The following ADAMTSL3 variants were observed in gnomAD, a reference collection of about 807,000 sequenced individuals.
ADAMTSL3 encodes the protein ADAMTS-like protein 3.
Under a neutral mutation model 201.7 loss-of-function variants are expected in ADAMTSL3, and 128 were observed. The observed-to-expected ratio is 0.63, with a 90% confidence interval of 0.55 to 0.73. The LOEUF (loss-of-function observed/expected upper bound fraction) is 0.73. ADAMTSL3 is among the 30% of genes least tolerant of loss of function. The pLI, the probability that ADAMTSL3 is intolerant of heterozygous loss-of-function variation, is 0.00. For synonymous variants in ADAMTSL3, 738 were observed against 748.4 expected, an observed-to-expected ratio of 0.99 and a Z score of 0.23; for missense variants, 1,990 against 2,119.6, an observed-to-expected ratio of 0.94 and a Z score of 1.20.
chr15:83,722,035 A>G (rs1470859428), intron 3 of ADAMTSL3, among the ~76,000 whole-genome samples: 5 of 152,132 alleles, frequency 3.3e-5, no homozygotes, highest in Non-Finnish European at 7.3e-5. Context: ...CTGGCCACAG[A>G]TTTATGTTTT....
chr15:83,889,923 C>T (rs984743371), intron 10 of ADAMTSL3, among the ~76,000 whole-genome samples, 186 bp from the exon 11 acceptor site: 3 of 151,938 alleles, frequency 2.0e-5, no homozygotes, highest in African/African-American at 7.3e-5. Flanking sequence ...TTAATTGGAC[C>T]ATGAAGGAAC....
chr15:83,769,246 GT>G (rs2141732876), intron 3 of ADAMTSL3, among the ~76,000 whole-genome samples: 1 of 152,030 alleles, frequency 6.6e-6, no homozygotes, highest in Non-Finnish European at 1.5e-5. Flanking sequence ...ATATGATGAT[GT>G]TTTTCAACTT....
chr15:83,748,584 G>A (rs1302471258), intron 3 of ADAMTSL3, among the ~76,000 whole-genome samples: 1 of 148,800 alleles, frequency 6.7e-6, no homozygotes, highest in Non-Finnish European at 1.5e-5. Context: ...TGGGTGGTCA[G>A]GGCTGCAATG....
intron 9 of ADAMTSL3, among the ~76,000 whole-genome samples, chr15:83,874,864 TC>T (rs2065149718): frequency 1.4e-5 from 2 of 145,912 alleles, no homozygotes; most frequent in East Asian, 2.3e-4. Context: ...AAGGCACTGG[TC>T]CAGGTGTCAC....
intron 3 of ADAMTSL3, among the ~76,000 whole-genome samples, chr15:83,707,541 T>C (rs2061870404): frequency 6.6e-6 from 1 of 152,222 alleles, no homozygotes; most frequent in East Asian, 1.9e-4. Flanking sequence ...AGTTGCTACC[T>C]AGATCAAGAA....
intron 6 of ADAMTSL3, among the ~76,000 whole-genome samples, chr15:83,820,928 A>G (rs1199310679): frequency 6.6e-6 from 1 of 151,938 alleles, no homozygotes; most frequent in Non-Finnish European, 1.5e-5. Flanking sequence ...ACAAAAATTA[A>G]CTGGGTGTGA....
intron 7 of ADAMTSL3, among the ~76,000 whole-genome samples, chr15:83,853,910 A>G (rs199520579): frequency 2.3e-4 from 1 of 4,282 alleles, no homozygotes; most frequent in Non-Finnish European, 5.0e-4. Context: ...CTCTATCTCT[A>G]TCTATCTATC....
At chr15:84,006,721 A>G (rs2067901487) in intron 23 of ADAMTSL3, among the ~76,000 whole-genome samples, 1 of 152,240 alleles carries the variant, frequency 6.6e-6, no homozygotes, top group Non-Finnish European at 1.5e-5. Flanking sequence ...TAGCTGTTGC[A>G]ACAGAGCAAA....
At position 83,683,440 on chromosome 15, in the gene ADAMTSL3, T is replaced by C. The variant is rs2061499362; in HGVS notation, c.70-20949T>C. ...ACTGGCATACATCTCCCCGTTTTTG[T>C]ATCCCATCATGTAATTATTTCTACA... On this transcript the variant is annotated intron_variant, in intron 2 of 29. Transcript: ENST00000286744. Among the ~76,000 whole-genome samples the C allele has an allele frequency of 2.6e-5, 4 of 152,214 alleles. No individual in the cohort carries two copies. In the South Asian group the frequency reaches 8.3e-4, roughly 32 times the overall value.
In ADAMTSL3 at chr15:83,737,643, G is replaced by C. The variant is rs2062389257; in HGVS notation, c.189+33135G>C. On this transcript the variant is annotated intron_variant, in intron 3 of 29. Coordinates refer to ENST00000286744, the MANE Select transcript of ADAMTSL3 (RefSeq NM_207517.3). ...CTCGGGCAGTTCTTTATAGCAGTGTGAGAATGGACTAATACAATAACCAAA... is the reference window on the plus strand; with the variant it reads ...CTCGGGCAGTTCTTTATAGCAGTGTCAGAATGGACTAATACAATAACCAAA... Among the ~76,000 whole-genome samples the C allele has an allele frequency of 2.0e-5, 3 of 152,296 alleles. No homozygotes were observed. In the South Asian group the frequency reaches 6.2e-4, roughly 32 times the overall value.
intron 19 of ADAMTSL3, among the ~76,000 whole-genome samples, chr15:83,952,667 G>A (rs901154215): frequency 7.2e-5 from 11 of 152,048 alleles, no homozygotes; most frequent in African/African-American, 2.7e-4. Flanking sequence ...CCCGCCAGGC[G>A]TGGTAGCAAG....
intron 2 of ADAMTSL3, among the ~76,000 whole-genome samples, chr15:83,674,766 C>CAT (rs377132060): frequency 0.011 from 726 of 68,614 alleles, 40 homozygotes; most frequent in East Asian, 0.091. Flanking sequence ...CACATATATA[C>CAT]ATATATATAT....
chr15:83,963,330 G>A (rs574787331), intron 19 of ADAMTSL3, among the ~76,000 whole-genome samples: 14 of 152,110 alleles, frequency 9.2e-5, no homozygotes, highest in African/African-American at 3.1e-4. Context: ...GGGAAGGGGC[G>A]TCCACCATTA....
chr15:83,924,293 C>G (rs1307619463), intron 17 of ADAMTSL3, among the ~76,000 whole-genome samples: 1 of 152,198 alleles, frequency 6.6e-6, no homozygotes, highest in South Asian at 2.1e-4. Context: ...GCCTGCTACC[C>G]ATAAAACCAT....
chr15:84,011,443 A>G (rs1179937067), intron 23 of ADAMTSL3, among the ~76,000 whole-genome samples: 2 of 152,180 alleles, frequency 1.3e-5, no homozygotes, highest in African/African-American at 4.8e-5. Flanking sequence ...AACAACAGAA[A>G]ATTTGTTTCT....
In ADAMTSL3 at chr15:83,893,655, C is replaced by T. The variant is rs574283266; in HGVS notation, c.1467+767C>T. ...GCGGGCAGCCTATTTAGAAATCATC[C>T]GTGGGGTCAAGTTGTATGAAAAAAG... On this transcript the variant is annotated intron_variant, in intron 13 of 29. Coordinates refer to ENST00000286744, the MANE Select transcript of ADAMTSL3 (RefSeq NM_207517.3). Among the ~76,000 whole-genome samples, 22 of 152,114 alleles carry T rather than the reference C, an allele frequency of 1.4e-4. No individual in the cohort carries two copies. In the South Asian group the frequency reaches 3.1e-3, roughly 22 times the overall value.
chr15:83,723,729 A>G (rs1313397438), intron 3 of ADAMTSL3, among the ~76,000 whole-genome samples: 2 of 152,198 alleles, frequency 1.3e-5, no homozygotes, highest in African/African-American at 4.8e-5. Context: ...GAACAGAAAG[A>G]GAAACCTCAT....
At chr15:84,031,253 T>A in intron 27 of ADAMTSL3, 82 bp from the exon 28 acceptor site, 1 of 1,378,332 alleles carries the variant, frequency 7.3e-7, no homozygotes, top group Non-Finnish European at 1.0e-6. Context: ...TCTTCAGCTA[T>A]CCTGCCTCAG....
intron 4 of ADAMTSL3, among the ~76,000 whole-genome samples, chr15:83,797,946 A>T (rs1489047948): frequency 6.6e-6 from 1 of 152,236 alleles, no homozygotes; most frequent in Non-Finnish European, 1.5e-5. Context: ...AACAATTTTC[A>T]TCAACATTTA....
Sources: gnomAD v4.1 joint callset for allele counts (sites outside exome capture counted in the v4.1 genomes callset) on GRCh38, gnomAD v4.1.1 for gene constraint, MANE v1.5 for transcripts, NCBI Gene and HGNC (gene_info 2026-07-23, HGNC 2026-07-21) for gene names.